Variants in OPHN1 observed in about 807,000 individuals in gnomAD.
The protein encoded by OPHN1 is oligophrenin 1.
In OPHN1, 11 loss-of-function variants were observed where a neutral mutation model predicts 60.7. The observed-to-expected ratio is 0.18, with a 90% CI of 0.11 to 0.30. The LOEUF (loss-of-function observed/expected upper bound fraction) is 0.30, where lower values mean the gene tolerates loss of function less well. Among genes scored for constraint, OPHN1 ranks in the 10% least tolerant of loss-of-function variants. The pLI is 1.00. For synonymous variants in OPHN1, 226 were observed against 222.6 expected (o/e 1.02, Z -0.14); for missense variants, 449 against 611.0 (o/e 0.73, Z 2.80).
chrX:68,332,313 A>G (rs1282738592), intron 2 of OPHN1, among the ~76,000 whole-genome samples: 3 of 111,387 alleles, frequency 2.7e-5, no homozygotes, highest in Admixed American at 9.7e-5. Flanking sequence ...GGTTAGAGAC[A>G]TGGTGAGAAA....
chrX:68,328,132 C>CT (rs577483680), intron 2 of OPHN1, among the ~76,000 whole-genome samples: 16,033 of 71,130 alleles, frequency 0.23, 1,828 homozygotes, highest in African/African-American at 0.39. Context: ...CCCGGCCAAA[C>CT]TTTTTTTTTT....
chrX:68,050,256 A>G (rs2076846693), intron 23 of OPHN1, among the ~76,000 whole-genome samples: 1 of 111,676 alleles, frequency 9.0e-6, no homozygotes, highest in Admixed American at 9.5e-5. Context: ...ATGGTAGTTC[A>G]TGACATACTG....
chrX:68,159,373 G>A (rs1307469961), intron 15 of OPHN1, among the ~76,000 whole-genome samples: 2 of 111,677 alleles, frequency 1.8e-5, no homozygotes, highest in Non-Finnish European at 3.8e-5. Context: ...CTGCAAAGGG[G>A]TCCAAAAATA....
chrX:68,266,741 T>C (rs764545092), intron 5 of OPHN1, among the ~76,000 whole-genome samples: 103 of 111,230 alleles, frequency 9.3e-4, no homozygotes, highest in African/African-American at 3.0e-3. Flanking sequence ...GCAAATTGGA[T>C]AAAGAGTCAA....
intron 21 of OPHN1, among the ~76,000 whole-genome samples, chrX:68,060,539 C>T (rs1410127): frequency 0.41 from 45,274 of 111,261 alleles, 7,391 homozygotes; most frequent in African/African-American, 0.62. Context: ...GCAAACACTA[C>T]TGATTCTTAT....
Position 68,044,565 on chromosome X carries a change from T to C in OPHN1, c.*2607A>G, listed in dbSNP as rs1418455621. ...ATTTCCTATAGCTGCCACTCTTCTA[T>C]TATCACCCTCTTCCCATAGCCTCTG... On this transcript the variant is annotated 3_prime_UTR_variant, in exon 25 of 25. Transcript: ENST00000355520. 1 of 112,631 alleles carries C rather than the reference T, an allele frequency of 8.9e-6. No individual in the cohort carries two copies. The highest frequency in any genetic ancestry group is 1.9e-5 in the Non-Finnish European group (1 of 53,333). The allele number at this position is 112,631 out of a possible 1,213,427, so 9.3% of individuals were successfully genotyped here. A position where few individuals can be genotyped will look rare whatever the true frequency, so the allele number is the denominator to read the frequency against.
At chrX:68,333,168 CCTGTA>C (rs1301276500) in intron 2 of OPHN1, among the ~76,000 whole-genome samples, 8 of 109,538 alleles carry the variant, frequency 7.3e-5, no homozygotes, top group Non-Finnish European at 1.3e-4. Flanking sequence ...GTGGTTCATG[CCTGTA>C]ATCTTAGTAC....
chrX:68,210,166 A>G lies in OPHN1; in HGVS notation c.819T>C (p.Tyr273=). ...PGQPTIEGYL[Y]TQEKWALGIS... Reference sequence around the variant, plus strand: ...GTCCCCACACACATTTCTCTTGTGTATAGAGATAGCCTTCAATAGTTGGCT... The same window carrying G: ...GTCCCCACACACATTTCTCTTGTGTGTAGAGATAGCCTTCAATAGTTGGCT... The change falls in exon 9 of 25, where the codon TAT becomes TAC. Residue 273 remains tyrosine, a synonymous_variant. Coordinates refer to ENST00000355520, the MANE Select transcript of OPHN1 (RefSeq NM_002547.3). 1 of 1,210,826 alleles carries G rather than the reference A, an allele frequency of 8.3e-7. No homozygotes were observed. The highest frequency in any genetic ancestry group is 3.0e-5 in the East Asian group (1 of 33,787).
At chrX:68,397,569 T>C (rs1278113689) in intron 2 of OPHN1, among the ~76,000 whole-genome samples, 1 of 102,037 alleles carries the variant, frequency 9.8e-6, no homozygotes, top group East Asian at 3.1e-4. Flanking sequence ...GTTGCCCCAG[T>C]TGGAGTGCAG....
rs759184496 is a variant in OPHN1, at chrX:68,053,825, G to C, written c.2159-15C>G. On this transcript the variant is annotated splice_polypyrimidine_tract_variant and intron_variant, in intron 21 of 24. Transcript: ENST00000355520. ...GTCAGCATCCCCTGGAAGAGAAAAT[G>C]ATACCAGGAACTTGGATGGTTAGCC... The C allele has an allele frequency of 1.7e-6, 2 of 1,205,915 alleles. No homozygotes were observed. Among genetic ancestry groups the C allele is most frequent in the Non-Finnish European group, 2.2e-6 (2 of 892,876 alleles).
intron 19 of OPHN1, among the ~76,000 whole-genome samples, chrX:68,077,876 A>G (rs1260448662): frequency 8.9e-6 from 1 of 112,187 alleles, no homozygotes; most frequent in African/African-American, 3.2e-5. Flanking sequence ...TGCTTAAGAA[A>G]GAACCTAAAT....
intron 15 of OPHN1, among the ~76,000 whole-genome samples, chrX:68,139,538 C>T (rs533452945): frequency 9.0e-6 from 1 of 111,593 alleles, no homozygotes; most frequent in South Asian, 3.7e-4. Flanking sequence ...TTTGATTTTA[C>T]ATAATAAAAA....
At chrX:68,125,504 C>T (rs761178467) in intron 15 of OPHN1, among the ~76,000 whole-genome samples, 191 of 110,995 alleles carry the variant, frequency 1.7e-3, no homozygotes, top group African/African-American at 6.1e-3. Context: ...GGAGACATTA[C>T]AACTGATACT....
At chrX:68,394,202 G>A (rs2078671796) in intron 2 of OPHN1, among the ~76,000 whole-genome samples, 1 of 99,984 alleles carries the variant, frequency 1.0e-5, no homozygotes, top group Admixed American at 1.1e-4. Context: ...GCCTGACTTT[G>A]TTAAATAATA....
At chrX:68,144,544 A>G (rs1241224214) in intron 15 of OPHN1, among the ~76,000 whole-genome samples, 1 of 112,130 alleles carries the variant, frequency 8.9e-6, no homozygotes, top group Non-Finnish European at 1.9e-5. Flanking sequence ...TAAAAAGAAA[A>G]CATCAGGAAC....
intron 2 of OPHN1, among the ~76,000 whole-genome samples, chrX:68,366,449 C>T (rs1314920972): frequency 9.0e-6 from 1 of 110,750 alleles, no homozygotes; most frequent in Non-Finnish European, 1.9e-5. Context: ...CCACCTCAGC[C>T]TCCCAAGTAG....
intron 2 of OPHN1, among the ~76,000 whole-genome samples, chrX:68,311,019 C>T (rs2078170211): frequency 8.9e-6 from 1 of 112,108 alleles, no homozygotes; most frequent in African/African-American, 3.2e-5. Context: ...CTGTGAGAGG[C>T]CAAGGCAAGC....
chrX:68,301,896 C>T (rs150013885), intron 2 of OPHN1, among the ~76,000 whole-genome samples: 3 of 112,293 alleles, frequency 2.7e-5, no homozygotes, highest in Non-Finnish European at 1.9e-5. Flanking sequence ...GGGAATGAGA[C>T]AGAATATGAA....
At chrX:68,057,743 C>T (rs1304829294) in intron 21 of OPHN1, among the ~76,000 whole-genome samples, 1 of 111,774 alleles carries the variant, frequency 8.9e-6, no homozygotes. Context: ...TCTCTTGCCT[C>T]TAATGTGTCT....
Sources: allele counts gnomAD v4.1 joint callset (sites outside exome capture counted in the v4.1 genomes callset), GRCh38; gene constraint gnomAD v4.1.1; transcripts MANE v1.5; gene names NCBI Gene and HGNC (gene_info 2026-07-23, HGNC 2026-07-21).